Variants in PIP4K2A observed in about 807,000 individuals in gnomAD.
The protein encoded by PIP4K2A is phosphatidylinositol-5-phosphate 4-kinase type 2 alpha, also known as phosphatidylinositol 5-phosphate 4-kinase type-2 alpha.
PIP4K2A carries 14 observed loss-of-function variants against 42.9 expected under a neutral mutation model. The observed-to-expected ratio is 0.33, with a 90% CI of 0.22 to 0.51. The LOEUF is 0.51. Among genes scored for constraint, PIP4K2A ranks in the 20% least tolerant of loss-of-function variants. The probability of loss-of-function intolerance (pLI) is 0.97; values close to 1 mark genes in which losing one functional copy is unlikely to be tolerated. For missense variants in PIP4K2A, 434 were observed against 519.8 expected (o/e 0.83, Z 1.61); for synonymous variants, 192 against 192.2 (o/e 1.00, Z 0.01).
At chr10:22,682,001 T>C (rs1588704273) in intron 1 of PIP4K2A, among the ~76,000 whole-genome samples, 1 of 152,232 alleles carries the variant, frequency 6.6e-6, no homozygotes, top group East Asian at 1.9e-4. Context: ...AAAACCATTT[T>C]TTTTTTTGTA....
At chr10:22,699,658 C>G (rs534738598) in intron 1 of PIP4K2A, among the ~76,000 whole-genome samples, 10 of 152,280 alleles carry the variant, frequency 6.6e-5, no homozygotes, top group Middle Eastern at 3.4e-3. Flanking sequence ...ACATCTATAC[C>G]TGGTTATCCT....
intron 4 of PIP4K2A, among the ~76,000 whole-genome samples, chr10:22,585,802 G>C (rs1271903989): frequency 6.6e-6 from 1 of 151,998 alleles, no homozygotes; most frequent in Admixed American, 6.5e-5. Context: ...CACTGTGTTG[G>C]CTAGGCTGGT....
intron 1 of PIP4K2A, among the ~76,000 whole-genome samples, chr10:22,633,644 C>T (rs1588676085): frequency 1.3e-5 from 2 of 152,142 alleles, no homozygotes; most frequent in East Asian, 1.9e-4. Context: ...ACATGGCAGG[C>T]GCTGAGTCCT....
At chr10:22,561,642 C>T (rs748255752) in intron 6 of PIP4K2A, among the ~76,000 whole-genome samples, 4 of 132,758 alleles carry the variant, frequency 3.0e-5, no homozygotes, top group Non-Finnish European at 4.7e-5. Context: ...GTGGTGTGAT[C>T]ACGGCTCACT....
At chr10:22,540,563 T>C (rs1482790376) in intron 8 of PIP4K2A, among the ~76,000 whole-genome samples, 1 of 152,174 alleles carries the variant, frequency 6.6e-6, no homozygotes, top group Non-Finnish European at 1.5e-5. Flanking sequence ...CCAATGTCTA[T>C]TTTCTTTTTT....
chr10:22,607,422 G>C (rs1333336367), intron 3 of PIP4K2A, among the ~76,000 whole-genome samples: 1 of 152,126 alleles, frequency 6.6e-6, no homozygotes, highest in Non-Finnish European at 1.5e-5. Context: ...ACAGTGCTAT[G>C]GTCACTCCAC....
At chr10:22,560,469 G>A (rs143383108) in intron 6 of PIP4K2A, among the ~76,000 whole-genome samples, 7 of 152,196 alleles carry the variant, frequency 4.6e-5, no homozygotes, top group South Asian at 2.1e-4. Flanking sequence ...ATTTTTAGAC[G>A]TAAGGGTATT....
At chr10:22,692,957 C>T (rs541258730) in intron 1 of PIP4K2A, among the ~76,000 whole-genome samples, 27 of 152,198 alleles carry the variant, frequency 1.8e-4, no homozygotes, top group Non-Finnish European at 3.2e-4. Context: ...GGGAGAAAGC[C>T]GTACCTCTGG....
chr10:22,636,645 G>A (rs780394242), intron 1 of PIP4K2A, among the ~76,000 whole-genome samples: 19 of 152,222 alleles, frequency 1.2e-4, no homozygotes, highest in Non-Finnish European at 2.4e-4. Context: ...TACAGCCTAG[G>A]ACAGGGAATA....
At chr10:22,575,900 T>G (rs1485316778) in intron 4 of PIP4K2A, among the ~76,000 whole-genome samples, 1 of 151,496 alleles carries the variant, frequency 6.6e-6, no homozygotes. Flanking sequence ...ATCGTGCCAC[T>G]GTACTCCAGC....
intron 1 of PIP4K2A, among the ~76,000 whole-genome samples, chr10:22,612,864 G>A (rs565510244): frequency 5.3e-5 from 8 of 152,252 alleles, no homozygotes; most frequent in Middle Eastern, 3.4e-3. Flanking sequence ...GAAGTTCCCA[G>A]GGGCAGCAGG....
intron 1 of PIP4K2A, among the ~76,000 whole-genome samples, chr10:22,636,101 T>C (rs1163252488): frequency 6.6e-6 from 1 of 151,986 alleles, no homozygotes; most frequent in African/African-American, 2.4e-5. Flanking sequence ...AAAAAAATTG[T>C]GAAAATCTTC....
chr10:22,643,364 C>G (rs1210034880), intron 1 of PIP4K2A, among the ~76,000 whole-genome samples: 1 of 152,200 alleles, frequency 6.6e-6, no homozygotes, highest in Non-Finnish European at 1.5e-5. Flanking sequence ...GAGTCACTGA[C>G]AGAAACTGTA....
At chr10:22,554,966 G>A (rs1266450279) in intron 6 of PIP4K2A, among the ~76,000 whole-genome samples, 1 of 152,180 alleles carries the variant, frequency 6.6e-6, no homozygotes, top group Non-Finnish European at 1.5e-5. Context: ...CTTGCATGAG[G>A]TAATCTGCTG....
chr10:22,565,109 G>T (rs1292146923), intron 6 of PIP4K2A, among the ~76,000 whole-genome samples: 6 of 152,158 alleles, frequency 3.9e-5, no homozygotes, highest in Admixed American at 6.5e-5. Flanking sequence ...GTGATGTTCT[G>T]CTGGGCTTGT....
rs116282026 is a variant in PIP4K2A, at chr10:22,709,259, A to C, written c.144+4924T>G. ...TGAATCCTTATGATGTGCTAATTACAGTGCTAGGCCTTAAACACAGTATCT... is the reference window on the plus strand; with the variant it reads ...TGAATCCTTATGATGTGCTAATTACCGTGCTAGGCCTTAAACACAGTATCT... On this transcript the variant is annotated intron_variant, in intron 1 of 9. Coordinates refer to ENST00000376573, the MANE Select transcript of PIP4K2A (RefSeq NM_005028.5). Among the ~76,000 whole-genome samples the C allele has an allele frequency of 2.5e-3, 387 of 152,296 alleles. 3 individuals are homozygous for C. Among genetic ancestry groups the C allele is most frequent in the African/African-American group, 9.1e-3 (378 of 41,562 alleles).
chr10:22,545,474 C>G (rs1328538636), intron 7 of PIP4K2A, among the ~76,000 whole-genome samples: 1 of 152,246 alleles, frequency 6.6e-6, no homozygotes, highest in Non-Finnish European at 1.5e-5. Context: ...CCCCTGGCAC[C>G]CCATCTGGGT....
At chr10:22,612,328 G>A (rs574133083) in intron 1 of PIP4K2A, among the ~76,000 whole-genome samples, 56 of 152,316 alleles carry the variant, frequency 3.7e-4, no homozygotes, top group African/African-American at 1.3e-3. Context: ...AATGGGCTAC[G>A]AGCAAGTATG....
At chr10:22,539,907 G>T in intron 9 of PIP4K2A, 64 bp downstream of exon 9, 1 of 159,612 alleles carries the variant, frequency 6.3e-6, no homozygotes. Context: ...GAGAGAGAGA[G>T]AGAGGGAGAG....
Sources: allele counts gnomAD v4.1 joint callset (sites outside exome capture counted in the v4.1 genomes callset), GRCh38; gene constraint gnomAD v4.1.1; transcripts MANE v1.5; gene names NCBI Gene and HGNC (gene_info 2026-07-23, HGNC 2026-07-21).